IARS1: variants seen among roughly 807,000 people sequenced by gnomAD.
The protein encoded by IARS1 is isoleucine--tRNA ligase, cytoplasmic.
IARS1 carries 124 observed loss-of-function variants against 168.2 expected under a neutral mutation model. The ratio of observed to expected loss-of-function variants is 0.74; its 90% CI spans 0.64 to 0.86. The LOEUF is 0.86. Ranked by LOEUF, IARS1 falls within the 40% of genes least tolerant of loss-of-function variation. IARS1 has a pLI of 0.00. For missense variants in IARS1, 1,452 were observed against 1,515.8 expected (o/e 0.96, Z 0.70); for synonymous variants, 532 against 529.4 (o/e 1.00, Z -0.07).
chr9:92,291,166 T>C (rs1176785590), intron 1 of IARS1, among the ~76,000 whole-genome samples: 1 of 152,122 alleles, frequency 6.6e-6, no homozygotes, highest in Non-Finnish European at 1.5e-5. Context: ...TCAAAGTCTA[T>C]TTATATTTAC....
chr9:92,273,083 G>T (rs951464467), intron 10 of IARS1, among the ~76,000 whole-genome samples: 51 of 144,962 alleles, frequency 3.5e-4, no homozygotes, highest in African/African-American at 1.2e-3. Flanking sequence ...AGTGAGCCGA[G>T]ATCCTGCCAC....
intron 33 of IARS1, among the ~76,000 whole-genome samples, chr9:92,219,839 C>T (rs1362588539): frequency 6.7e-6 from 1 of 149,018 alleles, no homozygotes; most frequent in African/African-American, 2.5e-5. Context: ...ACTAGTTCAA[C>T]CATTGTGGAA....
chr9:92,214,366 G>A (rs1838266516), intron 33 of IARS1, among the ~76,000 whole-genome samples: 2 of 152,060 alleles, frequency 1.3e-5, no homozygotes, highest in Admixed American at 6.5e-5. Flanking sequence ...GACCAGCCTG[G>A]CCAACATGGT....
chr9:92,224,019 G>C (rs576122204), intron 31 of IARS1, among the ~76,000 whole-genome samples: 100 of 152,316 alleles, frequency 6.6e-4, no homozygotes, highest in African/African-American at 2.3e-3. Context: ...TCCAAATATT[G>C]AGTGGAAATG....
chr9:92,273,079 C>T (rs1833311403), intron 10 of IARS1, among the ~76,000 whole-genome samples: 1 of 150,386 alleles, frequency 6.6e-6, no homozygotes, highest in South Asian at 2.1e-4. Context: ...TTGCAGTGAG[C>T]CGAGATCCTG....
rs748154039 is a variant in IARS1 at position 92,249,881 on chromosome 9, A to G, written c.2593T>C (p.Ser865Pro). 17 of 1,598,780 alleles carry G rather than the reference A, an allele frequency of 1.1e-5. No homozygotes were observed. The highest frequency in any genetic ancestry group is 2.2e-5 in the South Asian group (2 of 90,528). ...ACCTCAATGATATACTTCTCCAAAG[A>G]CTTGATATCTTTAAGAGCTTCTGGA... ...QDPEALKDIK[S>P]LEKYIIEELN... The change falls in exon 25 of 34, where the codon TCT (serine) becomes CCT (proline). Residue 865 changes from serine to proline, a missense_variant. Coordinates refer to ENST00000443024, the MANE Select transcript of IARS1 (RefSeq NM_002161.6).
chr9:92,292,126 T>A (rs1211489963), intron 1 of IARS1, among the ~76,000 whole-genome samples: 5 of 147,062 alleles, frequency 3.4e-5, no homozygotes, highest in Non-Finnish European at 7.5e-5. Flanking sequence ...CAGGTGTTCC[T>A]CCCAGTTTAG....
Position 92,227,465 on chromosome 9 carries a change from C to T in IARS1, c.3409+1536G>A, listed in dbSNP as rs1357157316. Among the ~76,000 whole-genome samples the T allele has an allele frequency of 9.0e-5, 13 of 143,664 alleles. No individual in the cohort carries two copies. The South Asian group carries it at 2.3e-3, about 25-fold the overall frequency. 94.2% of individuals were successfully genotyped at this position (143,664 alleles called of 152,430 possible). A position where few individuals can be genotyped will look rare whatever the true frequency, so the allele number is the denominator to read the frequency against. On this transcript the variant is annotated intron_variant, in intron 31 of 33. Transcript: ENST00000443024. ...CCCCCCACCTCCCTCCCGGACGGGG[C>T]GGCTGGCCAGGCAGAGAGGCTCCTC... is the stretch of plus-strand genomic sequence containing the variant.
intron 32 of IARS1, 128 bp from the exon 33 acceptor site, chr9:92,222,800 G>T: frequency 1.4e-6 from 1 of 733,794 alleles, no homozygotes; most frequent in Non-Finnish European, 2.2e-6. Context: ...GCGTGAGTGT[G>T]ACCGCTGAAG....
rs551428352 is a variant in IARS1 at position 92,228,705 on chromosome 9, C to A, written c.3409+296G>T. On this transcript the variant is annotated intron_variant, in intron 31 of 33. Coordinates refer to ENST00000443024, the MANE Select transcript of IARS1 (RefSeq NM_002161.6). The stretch of plus-strand genomic sequence containing the variant: ...CTCCAGCATGGGTGACAGAGTGAGA[C>A]CCTGTCTCAAAAACAAAAACAACCT... 2.8e-4 allele frequency among the ~76,000 whole-genome samples: 42 copies of A among 152,214 alleles called. 1 individual carries two copies. In the South Asian group the frequency reaches 6.2e-3, roughly 23 times the overall value.
intron 19 of IARS1, among the ~76,000 whole-genome samples, chr9:92,257,842 CA>C (rs1427084456): frequency 6.6e-6 from 1 of 152,126 alleles, no homozygotes; most frequent in Non-Finnish European, 1.5e-5. Flanking sequence ...ATCAGATGTG[CA>C]GTATCGGAAC....
intron 9 of IARS1, among the ~76,000 whole-genome samples, chr9:92,275,216 T>C (rs1303354971): frequency 6.6e-6 from 1 of 152,258 alleles, no homozygotes; most frequent in Non-Finnish European, 1.5e-5. Flanking sequence ...ACAAGTGATT[T>C]TCACATTTAA....
chr9:92,240,585 G>A (rs1411198003), intron 30 of IARS1: 6 of 659,920 alleles, frequency 9.1e-6, no homozygotes, highest in South Asian at 1.7e-5. Context: ...ATTGAGGCAG[G>A]ATCTTATTAT....
At chr9:92,245,533 G>T (rs1829053628) in intron 26 of IARS1, among the ~76,000 whole-genome samples, 1 of 152,182 alleles carries the variant, frequency 6.6e-6, no homozygotes, top group African/African-American at 2.4e-5. Flanking sequence ...GTAGTACTGA[G>T]CATCATGCCT....
chr9:92,243,840 T>A (rs1449849884), intron 27 of IARS1, among the ~76,000 whole-genome samples: 2 of 152,220 alleles, frequency 1.3e-5, no homozygotes, highest in Admixed American at 6.5e-5. Flanking sequence ...TAAACTGCCA[T>A]ATTTTTGCTA....
intron 21 of IARS1, among the ~76,000 whole-genome samples, chr9:92,252,953 G>A (rs181165845): frequency 9.9e-5 from 15 of 152,002 alleles, no homozygotes; most frequent in Admixed American, 3.9e-4. Context: ...CTACAGAGGA[G>A]TTCTGTCCAC....
intron 33 of IARS1, among the ~76,000 whole-genome samples, chr9:92,216,100 A>T (rs1838634773): frequency 6.6e-6 from 1 of 151,616 alleles, no homozygotes; most frequent in Non-Finnish European, 1.5e-5. Flanking sequence ...AAGCCAGAAG[A>T]GAGTGGGGGC....
intron 25 of IARS1, among the ~76,000 whole-genome samples, chr9:92,249,252 T>C (rs1197356936): frequency 6.6e-6 from 1 of 152,166 alleles, no homozygotes; most frequent in African/African-American, 2.4e-5. Flanking sequence ...TTGGTAGTTA[T>C]CAAAAAGTAC....
chr9:92,278,390 T>C (rs1834056574), intron 7 of IARS1, 104 bp from the exon 8 acceptor site: 1 of 776,590 alleles, frequency 1.3e-6, no homozygotes, highest in East Asian at 2.4e-5. Context: ...TCCTGTACCA[T>C]GTGCCTCTAC....
Sources: allele counts gnomAD v4.1 joint callset (sites outside exome capture counted in the v4.1 genomes callset), GRCh38; gene constraint gnomAD v4.1.1; transcripts MANE v1.5; gene names NCBI Gene and HGNC (gene_info 2026-07-23, HGNC 2026-07-21).